Variants in CTNNBIP1 observed in about 807,000 individuals in gnomAD.
The protein encoded by CTNNBIP1 is beta-catenin-interacting protein 1.
In CTNNBIP1, 7 loss-of-function variants were observed where a neutral mutation model predicts 11.8. The ratio of observed to expected loss-of-function variants is 0.60; its 90% CI spans 0.34 to 1.12. CTNNBIP1 has a LOEUF of 1.12. Among genes scored for constraint, CTNNBIP1 ranks in the 50% most tolerant of loss-of-function variants. The pLI, the probability that CTNNBIP1 is intolerant of heterozygous loss-of-function variation, is 0.03. For missense variants in CTNNBIP1, 101 were observed against 113.4 expected (o/e 0.89, Z 0.50); for synonymous variants, 58 against 43.9 (o/e 1.32, Z -1.26).
At chr1:9,903,207 T>C (rs533874530) in intron 1 of CTNNBIP1, among the ~76,000 whole-genome samples, 9 of 152,242 alleles carry the variant, frequency 5.9e-5, no homozygotes, top group Non-Finnish European at 1.2e-4. Flanking sequence ...GGAGGAGTAA[T>C]GGAAGACAAC....
intron 2 of CTNNBIP1, among the ~76,000 whole-genome samples, chr1:9,880,380 G>T (rs1219243249): frequency 6.6e-6 from 1 of 152,132 alleles, no homozygotes; most frequent in Non-Finnish European, 1.5e-5. Context: ...GTCTATCATT[G>T]ATGGGCATCT....
chr1:9,863,868 T>G (rs1323232718), intron 5 of CTNNBIP1, among the ~76,000 whole-genome samples: 1 of 152,158 alleles, frequency 6.6e-6, no homozygotes, highest in Non-Finnish European at 1.5e-5. Flanking sequence ...GCAGGGCCGC[T>G]GAGGGGGTCA....
At chr1:9,878,377 G>A (rs924705927) in intron 2 of CTNNBIP1, among the ~76,000 whole-genome samples, 14 of 152,202 alleles carry the variant, frequency 9.2e-5, no homozygotes, top group Non-Finnish European at 1.6e-4. Flanking sequence ...ACCTGCACAA[G>A]AGAATGCCCC....
intron 1 of CTNNBIP1, among the ~76,000 whole-genome samples, chr1:9,908,101 C>T (rs758969772): frequency 1.9e-4 from 29 of 152,246 alleles, no homozygotes; most frequent in Non-Finnish European, 3.8e-4. Flanking sequence ...CTCTGTTGCC[C>T]AGGCTGGAGT....
At chr1:9,900,053 G>A (rs1490468990) in intron 1 of CTNNBIP1, among the ~76,000 whole-genome samples, 4 of 149,760 alleles carry the variant, frequency 2.7e-5, no homozygotes, top group Non-Finnish European at 4.4e-5. Flanking sequence ...CAGCCTGGAC[G>A]ACAAGACTCC....
intron 1 of CTNNBIP1, among the ~76,000 whole-genome samples, chr1:9,887,889 A>C (rs1379091124): frequency 6.6e-6 from 1 of 150,660 alleles, no homozygotes; most frequent in Admixed American, 6.6e-5. Flanking sequence ...CAGTGGTGCG[A>C]TCTCAGCTCA....
In CTNNBIP1 at chr1:9,850,792, C is replaced by T. The variant is rs370555256; in HGVS notation, c.188-16G>A. The stretch of plus-strand genomic sequence containing the variant: ...TCCTCTGCACCTGCAGATAAGGCGA[C>T]AAGGATCGCTGATGGGGCTTGCAGC... On this transcript the variant is annotated splice_polypyrimidine_tract_variant and intron_variant, in intron 5 of 5. Transcript: ENST00000377263. 6.2e-7 allele frequency: 1 copy of T among 1,613,420 alleles called. No homozygotes were observed. Among genetic ancestry groups the T allele is most frequent in the African/African-American group, 1.3e-5 (1 of 74,946 alleles).
At chr1:9,877,068 C>T (rs1638983264) in intron 3 of CTNNBIP1, among the ~76,000 whole-genome samples, 2 of 152,192 alleles carry the variant, frequency 1.3e-5, no homozygotes, top group Admixed American at 1.3e-4. Flanking sequence ...GCTCAGATGC[C>T]ACACTTCTTC....
chr1:9,870,691 G>A (rs146291994), intron 5 of CTNNBIP1, among the ~76,000 whole-genome samples: 23 of 152,296 alleles, frequency 1.5e-4, no homozygotes, highest in Admixed American at 3.3e-4. Flanking sequence ...TCCCTCAGGC[G>A]CACGGAGACA....
chr1:9,868,324 C>G (rs191443175), intron 5 of CTNNBIP1, among the ~76,000 whole-genome samples: 4 of 152,300 alleles, frequency 2.6e-5, no homozygotes, highest in Admixed American at 2.6e-4. Flanking sequence ...CACCACCCAC[C>G]CAGAAGGGCC....
chr1:9,854,709 C>CCCTA (rs1638466949), intron 5 of CTNNBIP1, among the ~76,000 whole-genome samples: 1 of 151,856 alleles, frequency 6.6e-6, no homozygotes, highest in Admixed American at 6.6e-5. Flanking sequence ...TAGGGTCTCA[C>CCCTA]TCTGTCACCC....
At chr1:9,898,142 A>G (rs1175127885) in intron 1 of CTNNBIP1, among the ~76,000 whole-genome samples, 1 of 151,722 alleles carries the variant, frequency 6.6e-6, no homozygotes, top group Non-Finnish European at 1.5e-5. Context: ...AATAAAATTA[A>G]AAAATTTAAA....
chr1:9,893,904 A>G (rs1432123492), intron 1 of CTNNBIP1, among the ~76,000 whole-genome samples: 1 of 152,230 alleles, frequency 6.6e-6, no homozygotes, highest in Non-Finnish European at 1.5e-5. Context: ...ACTCACCCAA[A>G]AAAGAAGTTC....
chr1:9,863,707 G>A (rs1366658054), intron 5 of CTNNBIP1, among the ~76,000 whole-genome samples: 2 of 152,218 alleles, frequency 1.3e-5, no homozygotes, highest in African/African-American at 2.4e-5. Flanking sequence ...CTGGCATGGA[G>A]CTCCAGGGCA....
At chr1:9,891,275 T>C (rs563157033) in intron 1 of CTNNBIP1, among the ~76,000 whole-genome samples, 28 of 152,258 alleles carry the variant, frequency 1.8e-4, no homozygotes, top group African/African-American at 6.5e-4. Flanking sequence ...GAGGCAGGCC[T>C]GGGCATGGCC....
chr1:9,856,309 C>T (rs1178942596), intron 5 of CTNNBIP1, among the ~76,000 whole-genome samples: 1 of 151,698 alleles, frequency 6.6e-6, no homozygotes, highest in Non-Finnish European at 1.5e-5. Context: ...CCACGCCTGG[C>T]AGGAAATGGT....
At chr1:9,865,539 G>A (rs1638725937) in intron 5 of CTNNBIP1, among the ~76,000 whole-genome samples, 1 of 151,904 alleles carries the variant, frequency 6.6e-6, no homozygotes, top group Non-Finnish European at 1.5e-5. Flanking sequence ...GGGAGGTGGA[G>A]TTTGCAGTGA....
intron 1 of CTNNBIP1, among the ~76,000 whole-genome samples, chr1:9,900,477 T>G (rs1639501684): frequency 6.6e-6 from 1 of 152,160 alleles, no homozygotes; most frequent in Non-Finnish European, 1.5e-5. Context: ...TGCCTGACGC[T>G]AAGCACTTCA....
intron 2 of CTNNBIP1, among the ~76,000 whole-genome samples, chr1:9,878,979 C>T (rs983646416): frequency 1.3e-5 from 2 of 152,178 alleles, no homozygotes; most frequent in African/African-American, 2.4e-5. Flanking sequence ...AGGTGGATCA[C>T]AAGGTCAGGC....
Sources: allele counts gnomAD v4.1 joint callset (sites outside exome capture counted in the v4.1 genomes callset), GRCh38; gene constraint gnomAD v4.1.1; transcripts MANE v1.5; gene names NCBI Gene and HGNC (gene_info 2026-07-23, HGNC 2026-07-21).